The following LDB2 variants were observed in gnomAD, a reference collection of about 807,000 sequenced individuals.
LDB2 encodes the protein LIM domain binding 2, also known as LIM domain-binding protein 2.
In LDB2, 12 loss-of-function variants were observed where a neutral mutation model predicts 44.3. The observed-to-expected ratio is 0.27, with a 90% CI of 0.17 to 0.44. The LOEUF (loss-of-function observed/expected upper bound fraction) is 0.44. LDB2 is among the 20% of genes least tolerant of loss of function. The probability of loss-of-function intolerance (pLI) is 1.00; values close to 1 mark genes in which losing one functional copy is unlikely to be tolerated. For missense variants in LDB2, 344 were observed against 473.5 expected, an observed-to-expected ratio of 0.73 and a Z score of 2.54; for synonymous variants, 164 against 174.8, an observed-to-expected ratio of 0.94 and a Z score of 0.49.
chr4:16,563,415 T>G (rs1385628628), intron 5 of LDB2, among the ~76,000 whole-genome samples: 1 of 133,852 alleles, frequency 7.5e-6, no homozygotes, highest in East Asian at 2.2e-4. Context: ...CAAAACCATC[T>G]CATCAGTCAT....
At chr4:16,639,056 T>C (rs1188245435) in intron 2 of LDB2, among the ~76,000 whole-genome samples, 2 of 152,234 alleles carry the variant, frequency 1.3e-5, no homozygotes, top group Non-Finnish European at 2.9e-5. Flanking sequence ...CTTTCAACTT[T>C]TGAATCAAGT....
rs545119937 is a variant in LDB2 at position 16,573,365 on chromosome 4, G to A, written c.615+12557C>T. Among the ~76,000 whole-genome samples, 13 of 152,238 alleles carry A rather than the reference G, an allele frequency of 8.5e-5. No individual in the cohort carries two copies. In the East Asian group the frequency reaches 2.5e-3, roughly 29 times the overall value. On this transcript the variant is annotated intron_variant, in intron 5 of 7. Transcript: ENST00000304523. ...CACGTGCTCCTCCAGCCTTAGACTA[G>A]TGGCCACTTGCCATATGAGCTCGAT... is the stretch of plus-strand genomic sequence containing the variant.
intron 1 of LDB2, among the ~76,000 whole-genome samples, chr4:16,781,028 T>A (rs188233695): frequency 6.6e-6 from 1 of 152,322 alleles, no homozygotes; most frequent in Admixed American, 6.5e-5. Context: ...TGGAGGTGGC[T>A]AAGCACCTCT....
intron 2 of LDB2, among the ~76,000 whole-genome samples, chr4:16,633,109 A>G (rs1170259055): frequency 6.6e-6 from 1 of 152,190 alleles, no homozygotes; most frequent in Admixed American, 6.5e-5. Context: ...ACGCAGCCAT[A>G]AAAAAGGATG....
At chr4:16,731,267 G>A (rs1760693067) in intron 2 of LDB2, among the ~76,000 whole-genome samples, 1 of 151,994 alleles carries the variant, frequency 6.6e-6, no homozygotes, top group South Asian at 2.1e-4. Context: ...AATTAAAACA[G>A]ACAGCCAACT....
At chr4:16,869,546 C>T (rs1160358139) in intron 1 of LDB2, among the ~76,000 whole-genome samples, 2 of 152,138 alleles carry the variant, frequency 1.3e-5, no homozygotes, top group Non-Finnish European at 2.9e-5. Flanking sequence ...CTACTATCAA[C>T]GTGCATTTAC....
chr4:16,798,763 C>A (rs931075872), intron 1 of LDB2, among the ~76,000 whole-genome samples: 1 of 152,242 alleles, frequency 6.6e-6, no homozygotes, highest in Non-Finnish European at 1.5e-5. Flanking sequence ...TGGCTCTAGC[C>A]TCGAAAGCTG....
intron 1 of LDB2, among the ~76,000 whole-genome samples, chr4:16,779,123 G>A (rs182034402): frequency 6.6e-6 from 1 of 152,154 alleles, no homozygotes; most frequent in African/African-American, 2.4e-5. Flanking sequence ...AAAGCTGTTG[G>A]GGGCACTGAG....
chr4:16,658,888 G>A (rs981953524), intron 2 of LDB2, among the ~76,000 whole-genome samples: 7 of 152,294 alleles, frequency 4.6e-5, no homozygotes, highest in Admixed American at 1.3e-4. Flanking sequence ...CCAAGGTCTC[G>A]AAACCTAAGG....
chr4:16,544,966 C>A (rs1735180434), intron 5 of LDB2, among the ~76,000 whole-genome samples: 1 of 152,072 alleles, frequency 6.6e-6, no homozygotes, highest in African/African-American at 2.4e-5. Flanking sequence ...GCGCCGAATC[C>A]TGAGGCAAGA....
At chr4:16,578,032 C>A (rs1423487461) in intron 5 of LDB2, among the ~76,000 whole-genome samples, 2 of 152,060 alleles carry the variant, frequency 1.3e-5, no homozygotes, top group African/African-American at 2.4e-5. Context: ...TGAAATTAGA[C>A]CCCTATTTCT....
chr4:16,706,841 C>T (rs1462763072), intron 2 of LDB2, among the ~76,000 whole-genome samples: 1 of 152,032 alleles, frequency 6.6e-6, no homozygotes, highest in Non-Finnish European at 1.5e-5. Context: ...TCTCAGATAC[C>T]TCAAGGCAGA....
chr4:16,845,752 AAT>A (rs1226053478), intron 1 of LDB2, among the ~76,000 whole-genome samples: 1 of 152,142 alleles, frequency 6.6e-6, no homozygotes, highest in Non-Finnish European at 1.5e-5. Flanking sequence ...TACTAGTCCT[AAT>A]TTATGGGGAT....
chr4:16,782,762 G>C (rs1773571418), intron 1 of LDB2, among the ~76,000 whole-genome samples: 1 of 152,160 alleles, frequency 6.6e-6, no homozygotes, highest in South Asian at 2.1e-4. Flanking sequence ...TCTATGCTAG[G>C]AACTGTGCTA....
intron 1 of LDB2, among the ~76,000 whole-genome samples, chr4:16,851,869 G>A (rs1788324789): frequency 6.6e-6 from 1 of 152,216 alleles, no homozygotes; most frequent in African/African-American, 2.4e-5. Flanking sequence ...GTAAGGTAGA[G>A]TTTGAGCACA....
intron 2 of LDB2, among the ~76,000 whole-genome samples, chr4:16,624,287 G>A (rs1027220535): frequency 3.9e-5 from 6 of 152,130 alleles, no homozygotes; most frequent in African/African-American, 1.4e-4. Context: ...TATAGAGGCA[G>A]GGTCTCACTA....
chr4:16,610,087 C>T (rs1215007423), intron 2 of LDB2, among the ~76,000 whole-genome samples: 1 of 151,898 alleles, frequency 6.6e-6, no homozygotes, highest in African/African-American at 2.4e-5. Flanking sequence ...AAGTGAACCT[C>T]CAGCAAACTG....
intron 2 of LDB2, among the ~76,000 whole-genome samples, chr4:16,626,316 AC>A (rs1292821527): frequency 2.0e-5 from 3 of 152,120 alleles, no homozygotes; most frequent in African/African-American, 7.2e-5. Context: ...TACCTTTATC[AC>A]CAATTGAAGT....
At position 16,888,489 on chromosome 4, in the gene LDB2, T is replaced by C. The variant is rs918009010; in HGVS notation, c.132+9865A>G. Among the ~76,000 whole-genome samples the C allele has an allele frequency of 3.9e-5, 6 of 152,336 alleles. No individual in the cohort carries two copies. In the East Asian group the frequency reaches 1.2e-3, roughly 29 times the overall value. ...CATAACAAGGTATATGATTATTATGTCATCCCTGCCATATAACAGTGAAAA... is the reference window on the plus strand; with the variant it reads ...CATAACAAGGTATATGATTATTATGCCATCCCTGCCATATAACAGTGAAAA... On this transcript the variant is annotated intron_variant, in intron 1 of 7. Transcript: ENST00000304523.
Sources: gnomAD v4.1 joint callset for allele counts (sites outside exome capture counted in the v4.1 genomes callset) on GRCh38, gnomAD v4.1.1 for gene constraint, MANE v1.5 for transcripts, NCBI Gene and HGNC (gene_info 2026-07-23, HGNC 2026-07-21) for gene names.